DNAH6: variants seen among roughly 807,000 people sequenced by gnomAD.
The protein encoded by DNAH6 is axonemal beta dynein heavy chain 6.
Under a neutral mutation model 491.4 loss-of-function variants are expected in DNAH6, and 340 were observed. That is an observed-to-expected ratio of 0.69 (90% CI 0.63 to 0.76). The LOEUF is 0.76. Ranked by LOEUF, DNAH6 falls within the 30% of genes least tolerant of loss-of-function variation. The pLI is 0.00. For missense variants in DNAH6, 4,443 were observed against 4,972.2 expected, an observed-to-expected ratio of 0.89 and a Z score of 3.20; for synonymous variants, 1,603 against 1,686.1, an observed-to-expected ratio of 0.95 and a Z score of 1.21.
intron 11 of DNAH6, among the ~76,000 whole-genome samples, chr2:84,561,105 A>G (rs1347048127): frequency 6.6e-6 from 1 of 151,996 alleles, no homozygotes; most frequent in South Asian, 2.1e-4. Context: ...ATTTCTCCAC[A>G]TCCTCTCCAG....
the DNAH6 span, among the ~76,000 whole-genome samples, chr2:84,470,845 G>A: frequency 7.9e-5 from 12 of 152,294 alleles, no homozygotes; most frequent in Non-Finnish European, 1.2e-4. Context: ...CAGTTTGAGA[G>A]AGAAAGTGGG....
At position 84,777,185 on chromosome 2, in the gene DNAH6, G is replaced by A. The variant is rs142257173; in HGVS notation, c.10704-4308G>A. Reference sequence around the variant, plus strand: ...GGTGCAGCACACTAACATGGCACATGTATACATATGTAACAAACCTGCACG... The same window carrying A: ...GGTGCAGCACACTAACATGGCACATATATACATATGTAACAAACCTGCACG... On this transcript the variant is annotated intron_variant, in intron 64 of 76. Transcript: ENST00000389394. 161 of 185,608 alleles carry A rather than the reference G, an allele frequency of 8.7e-4. 1 individual carries two copies. Among genetic ancestry groups the A allele is most frequent in the African/African-American group, 3.6e-3 (152 of 41,944 alleles). 11.5% of individuals were successfully genotyped at this position (185,608 alleles called of 1,614,324 possible).
intron 40 of DNAH6, among the ~76,000 whole-genome samples, chr2:84,673,495 T>A (rs974021076): frequency 6.6e-6 from 1 of 152,276 alleles, no homozygotes; most frequent in Admixed American, 6.5e-5. Flanking sequence ...GGACTGGTGG[T>A]GTGTTAGTCA....
chr2:84,612,909 TGTC>T (rs1457794945), intron 22 of DNAH6, among the ~76,000 whole-genome samples: 1 of 152,068 alleles, frequency 6.6e-6, no homozygotes, highest in Admixed American at 6.6e-5. Flanking sequence ...TGCACTCACT[TGTC>T]ATGTTGAAAC....
intron 11 of DNAH6, among the ~76,000 whole-genome samples, chr2:84,570,844 C>T (rs992623746): frequency 1.3e-5 from 2 of 152,216 alleles, no homozygotes; most frequent in East Asian, 1.9e-4. Flanking sequence ...GCTGCTCACT[C>T]TTGGGTCCGC....
At chr2:84,700,426 T>C (rs1695792294) in intron 48 of DNAH6, among the ~76,000 whole-genome samples, 1 of 152,120 alleles carries the variant, frequency 6.6e-6, no homozygotes, top group African/African-American at 2.4e-5. Context: ...TTTAGTGATA[T>C]GGGCAGTAGG....
intron 43 of DNAH6, among the ~76,000 whole-genome samples, chr2:84,685,964 G>A (rs555087860): frequency 3.9e-5 from 6 of 152,098 alleles, no homozygotes; most frequent in Admixed American, 1.3e-4. Context: ...CAAGGCAAGC[G>A]GATCACAAAG....
Position 84,517,822 on chromosome 2 carries a change from T to C in DNAH6, c.-5T>C. ...TTTCCTCACCTATTCTTTTCAGGAG[T>C]AAGGATGACTTTTCGGGCCACAGAT... On this transcript the variant is annotated 5_prime_UTR_variant, in exon 2 of 77. Transcript: ENST00000389394. The C allele has an allele frequency of 6.5e-7, 1 of 1,549,358 alleles. No individual in the cohort carries two copies. Among genetic ancestry groups the C allele is most frequent in the East Asian group, 2.4e-5 (1 of 40,896 alleles).
At chr2:84,500,069 T>C in the DNAH6 span, among the ~76,000 whole-genome samples, 1 of 152,202 alleles carries the variant, frequency 6.6e-6, no homozygotes, top group Non-Finnish European at 1.5e-5. Context: ...TTTGGTTGCC[T>C]GCGCTTGTGG....
At chr2:84,737,104 A>T (rs1699591959) in intron 62 of DNAH6, among the ~76,000 whole-genome samples, 1 of 152,002 alleles carries the variant, frequency 6.6e-6, no homozygotes, top group African/African-American at 2.4e-5. Context: ...TTTTGATTTT[A>T]GTCCTGTTTA....
At chr2:84,642,540 TTTTA>T (rs1214262343) in intron 33 of DNAH6, among the ~76,000 whole-genome samples, 1 of 152,228 alleles carries the variant, frequency 6.6e-6, no homozygotes, top group African/African-American at 2.4e-5. Context: ...TTTCTAACTC[TTTTA>T]TTTATTTATT....
intron 30 of DNAH6, among the ~76,000 whole-genome samples, chr2:84,635,226 C>T (rs1405842442): frequency 1.3e-5 from 2 of 152,126 alleles, no homozygotes; most frequent in African/African-American, 2.4e-5. Context: ...TGCAAAAAAG[C>T]GAATTACAGA....
chr2:84,554,827 A>G (rs1198889651), intron 10 of DNAH6, among the ~76,000 whole-genome samples: 4 of 152,230 alleles, frequency 2.6e-5, no homozygotes, highest in African/African-American at 9.6e-5. Flanking sequence ...GGTGTCCCAG[A>G]CTGCAGATGA....
the DNAH6 span, among the ~76,000 whole-genome samples, chr2:84,488,264 C>G: frequency 6.6e-6 from 1 of 151,960 alleles, no homozygotes; most frequent in African/African-American, 2.4e-5. Flanking sequence ...TCTTACTGTT[C>G]TGGAGGTCAG....
chr2:84,815,158 C>T (rs1312963707), intron 75 of DNAH6, among the ~76,000 whole-genome samples: 1 of 152,178 alleles, frequency 6.6e-6, no homozygotes, highest in African/African-American at 2.4e-5. Context: ...TCCTGCTGCA[C>T]CCAAGAAACA....
At chr2:84,754,298 G>C (rs974251417) in intron 63 of DNAH6, among the ~76,000 whole-genome samples, 1 of 152,090 alleles carries the variant, frequency 6.6e-6, no homozygotes, top group African/African-American at 2.4e-5. Flanking sequence ...TCCTGCCTCA[G>C]CTTCCCAAGT....
At chr2:84,784,010 A>G (rs929101208) in intron 65 of DNAH6, among the ~76,000 whole-genome samples, 5 of 152,216 alleles carry the variant, frequency 3.3e-5, no homozygotes, top group Admixed American at 6.5e-5. Flanking sequence ...CAAAGGCCCT[A>G]GTGAGGGAGC....
chr2:84,705,383 T>C, intron 51 of DNAH6, 103 bp from the exon 52 acceptor site: 1 of 1,114,038 alleles, frequency 9.0e-7, no homozygotes, highest in Non-Finnish European at 1.2e-6. Flanking sequence ...ATTAAAATTA[T>C]CCACTTATTG....
At chr2:84,661,276 A>G (rs766369526) in intron 37 of DNAH6, among the ~76,000 whole-genome samples, 16 of 152,136 alleles carry the variant, frequency 1.1e-4, no homozygotes, top group Non-Finnish European at 2.1e-4. Context: ...CCCAGTTTTT[A>G]AAAAGGAAAT....
Sources: gnomAD v4.1 joint callset for allele counts (sites outside exome capture counted in the v4.1 genomes callset) on GRCh38, gnomAD v4.1.1 for gene constraint, MANE v1.5 for transcripts, NCBI Gene and HGNC (gene_info 2026-07-23, HGNC 2026-07-21) for gene names.